The following HHIP variants were observed in gnomAD, a reference collection of about 807,000 sequenced individuals.
HHIP encodes the protein hedgehog interacting protein.
A neutral mutation model predicts 74.0 loss-of-function variants in HHIP; 12 were observed. The observed-to-expected ratio is 0.16, with a 90% confidence interval of 0.10 to 0.26. The LOEUF (loss-of-function observed/expected upper bound fraction) is 0.26. Among genes scored for constraint, HHIP ranks in the 10% least tolerant of loss-of-function variants. The probability of loss-of-function intolerance (pLI) is 1.00; values close to 1 mark genes in which losing one functional copy is unlikely to be tolerated. For missense variants in HHIP, 788 were observed against 845.0 expected (o/e 0.93, Z 0.84); for synonymous variants, 309 against 311.6 (o/e 0.99, Z 0.09).
At chr4:144,662,546 G>A (rs760267902) in intron 4 of HHIP, among the ~76,000 whole-genome samples, 4 of 152,216 alleles carry the variant, frequency 2.6e-5, no homozygotes, top group Non-Finnish European at 5.9e-5. Flanking sequence ...AGATTAAAGA[G>A]TAAGTCAGGA....
At chr4:144,734,594 G>GT in intron 11 of HHIP, 147 bp from the exon 12 acceptor site, 1 of 527,864 alleles carries the variant, frequency 1.9e-6, no homozygotes, top group Non-Finnish European at 3.2e-6. Context: ...TCCTTAGAAA[G>GT]TTGTAAATCT....
intron 4 of HHIP, among the ~76,000 whole-genome samples, chr4:144,664,243 G>A (rs913265735): frequency 2.0e-5 from 3 of 152,196 alleles, no homozygotes; most frequent in Admixed American, 6.5e-5. Context: ...GCTGCTAATT[G>A]TCCGGGTGAC....
intron 10 of HHIP, among the ~76,000 whole-genome samples, chr4:144,716,880 A>AAAAAAAT (rs1730466129): frequency 1.3e-5 from 2 of 148,642 alleles, no homozygotes; most frequent in Non-Finnish European, 3.0e-5. Flanking sequence ...AAAAAAAAAA[A>AAAAAAAT]AAAAAAAAGT....
At chr4:144,649,423 GT>G (rs1203666920) in intron 1 of HHIP, among the ~76,000 whole-genome samples, 1 of 151,906 alleles carries the variant, frequency 6.6e-6, no homozygotes, top group African/African-American at 2.4e-5. Context: ...CTAGAATTGA[GT>G]TCAATTCTTT....
In HHIP at chr4:144,714,300, G is replaced by C. The variant is rs200641725; in HGVS notation, c.1499G>C (p.Cys500Ser). ...GTTGGTGGATTTGTATACCGGGGCT[G>C]CCAGTCAGAAAGATTGTATGGAAGC... ...PLVGGFVYRG[C>S]QSERLYGSYV... The change falls in exon 9 of 13, where the codon TGC (cysteine) becomes TCC (serine). Residue 500 changes from cysteine to serine, a missense_variant. Physicochemically the swap from Cys to Ser is moderately radical, Grantham distance 112. This residue lies in a region of HHIP where 343 missense variants were observed against 347.9 expected (regional missense o/e 0.99). Transcript: ENST00000296575. The C allele has an allele frequency of 2.5e-5, 41 of 1,613,254 alleles. No homozygotes were observed. The highest frequency in any genetic ancestry group is 3.2e-5 in the Non-Finnish European group (38 of 1,179,524).
intron 4 of HHIP, among the ~76,000 whole-genome samples, chr4:144,688,970 C>T (rs1404816730): frequency 6.6e-6 from 1 of 152,170 alleles, no homozygotes; most frequent in East Asian, 1.9e-4. Context: ...ATATCATTTA[C>T]AGCGTGTTCT....
chr4:144,717,040 T>C (rs975365712), intron 10 of HHIP, among the ~76,000 whole-genome samples: 11 of 152,058 alleles, frequency 7.2e-5, no homozygotes, highest in Admixed American at 1.3e-4. Context: ...AATGTCTGTG[T>C]ACACCTAATA....
rs1277471040 is a variant in HHIP, at chr4:144,740,845, T to G, written c.*2888T>G. On this transcript the variant is annotated 3_prime_UTR_variant, in exon 13 of 13. Coordinates refer to ENST00000296575, the MANE Select transcript of HHIP (RefSeq NM_022475.3). Reference sequence around the variant, plus strand: ...TAATGAAAAAGAAAAATGTATATTATTATTCCCTTGTCCATTCTCAAGTTT... The same window carrying G: ...TAATGAAAAAGAAAAATGTATATTAGTATTCCCTTGTCCATTCTCAAGTTT... 2 of 152,210 alleles carry G rather than the reference T, an allele frequency of 1.3e-5. No individual in the cohort carries two copies. Among genetic ancestry groups the G allele is most frequent in the Non-Finnish European group, 2.9e-5 (2 of 68,030 alleles). 9.4% of individuals were successfully genotyped at this position (152,210 alleles called of 1,614,324 possible). A position where few individuals can be genotyped will look rare whatever the true frequency, so the allele number is the denominator to read the frequency against.
intron 3 of HHIP, among the ~76,000 whole-genome samples, 190 bp from the exon 4 acceptor site, chr4:144,659,447 G>C (rs965264971): frequency 3.3e-5 from 5 of 152,072 alleles, no homozygotes; most frequent in African/African-American, 1.2e-4. Context: ...AGGCTGTTTT[G>C]TTTTTTGCCA....
chr4:144,679,730 T>G (rs1435214958), intron 4 of HHIP, among the ~76,000 whole-genome samples: 2 of 152,136 alleles, frequency 1.3e-5, no homozygotes, highest in Non-Finnish European at 2.9e-5. Flanking sequence ...CTGTATGACA[T>G]ATTTTGTCTT....
intron 7 of HHIP, among the ~76,000 whole-genome samples, chr4:144,711,410 T>C (rs903416143): frequency 1.6e-4 from 24 of 152,148 alleles, no homozygotes; most frequent in African/African-American, 5.8e-4. Flanking sequence ...GCCATGGTAG[T>C]TTGCTGCACC....
At chr4:144,682,227 C>A (rs933215730) in intron 4 of HHIP, among the ~76,000 whole-genome samples, 1 of 152,180 alleles carries the variant, frequency 6.6e-6, no homozygotes, top group Non-Finnish European at 1.5e-5. Flanking sequence ...AGGAGATTTG[C>A]AGGACAGCGA....
At chr4:144,704,244 C>T (rs1179288874) in intron 4 of HHIP, among the ~76,000 whole-genome samples, 4 of 152,140 alleles carry the variant, frequency 2.6e-5, no homozygotes, top group African/African-American at 9.7e-5. Flanking sequence ...TTCTAAACTA[C>T]TTTGCACCTG....
At chr4:144,704,074 T>G (rs559779363) in intron 4 of HHIP, among the ~76,000 whole-genome samples, 3 of 152,224 alleles carry the variant, frequency 2.0e-5, no homozygotes, top group African/African-American at 7.2e-5. Flanking sequence ...AGTATATCTA[T>G]CTGTCCTTTC....
chr4:144,725,772 G>A (rs757149497), intron 11 of HHIP, among the ~76,000 whole-genome samples: 18 of 152,146 alleles, frequency 1.2e-4, no homozygotes, highest in Non-Finnish European at 2.1e-4. Flanking sequence ...GGGTTCAAGC[G>A]ATTCTCCTGC....
In HHIP at chr4:144,646,729, C is replaced by A; in HGVS notation, c.54C>A (p.Phe18Leu). 6.2e-7 allele frequency: 1 copy of A among 1,614,152 alleles called. No individual in the cohort carries two copies. Among genetic ancestry groups the A allele is most frequent in the Non-Finnish European group, 8.5e-7 (1 of 1,180,028 alleles). Residue 18 changes from phenylalanine to leucine, a missense_variant, in exon 1 of 13, where the codon TTC becomes TTA. This residue lies in a region of HHIP where 373 missense variants were observed against 366.4 expected (regional missense o/e 1.02). Coordinates refer to ENST00000296575, the MANE Select transcript of HHIP (RefSeq NM_022475.3). The part of the protein sequence containing the change: ...KLLLLAVALG[F>L]FEGDAKFGER... The stretch of plus-strand genomic sequence containing the variant: ...TGCTGCTGGCCGTGGCTCTGGGCTT[C>A]TTTGAAGGAGATGCTAAGTTTGGGG...
intron 11 of HHIP, among the ~76,000 whole-genome samples, chr4:144,733,744 C>T (rs11733546): frequency 0.027 from 4,103 of 152,238 alleles, 98 homozygotes; most frequent in Non-Finnish European, 0.041. Flanking sequence ...CACTGTGGCA[C>T]AGGTAACAGC....
intron 4 of HHIP, among the ~76,000 whole-genome samples, chr4:144,685,436 A>C (rs1729460374): frequency 6.6e-6 from 1 of 152,252 alleles, no homozygotes. Context: ...ATAGTTGTAC[A>C]TCATAAAGTA....
rs202159669 is a variant in HHIP at position 144,646,930 on chromosome 4, G to A, written c.255G>A (p.Pro85=). 1.5e-5 allele frequency: 24 copies of A among 1,611,254 alleles called. No homozygotes were observed. The highest frequency in any genetic ancestry group is 1.9e-5 in the Non-Finnish European group (22 of 1,178,212). The part of the protein sequence containing the change: ...RLSCCLRSDS[P]GLGRLENKIF... ...CCTGCTGCCTGCGGAGTGACAGCCC[G>A]GGGCTAGGGCGCCTGGAGAATAAGG... is the stretch of plus-strand genomic sequence containing the variant. The change falls in exon 1 of 13, where the codon CCG becomes CCA. Residue 85 remains proline, a synonymous_variant. Coordinates refer to ENST00000296575, the MANE Select transcript of HHIP (RefSeq NM_022475.3).
Sources: gnomAD v4.1 joint callset for allele counts (sites outside exome capture counted in the v4.1 genomes callset) on GRCh38, gnomAD v4.1.1 for gene constraint, gnomAD v4.1.1 regional missense constraint, MANE v1.5 for transcripts, NCBI Gene and HGNC (gene_info 2026-07-23, HGNC 2026-07-21) for gene names.